SMIM23: variants seen among roughly 807,000 people sequenced by gnomAD.
SMIM23 encodes the protein small integral membrane protein 23, also known as CTB-78H18.1.
In SMIM23, 10 loss-of-function variants were observed where a neutral mutation model predicts 12.8. The ratio of observed to expected loss-of-function variants is 0.78; its 90% CI spans 0.48 to 1.32. SMIM23 has a LOEUF of 1.32. Ranked by LOEUF, SMIM23 falls within the 40% of genes most tolerant of loss-of-function variation. The pLI, the probability that SMIM23 is intolerant of heterozygous loss-of-function variation, is 0.00. For synonymous variants in SMIM23, 78 were observed against 80.1 expected, an observed-to-expected ratio of 0.97 and a Z score of 0.14; for missense variants, 184 against 198.2, an observed-to-expected ratio of 0.93 and a Z score of 0.43.
chr5:171,778,447 T>TCACACACACACA (rs4041455), upstream of SMIM23, among the ~76,000 whole-genome samples: 1 of 141,546 alleles, frequency 7.1e-6, no homozygotes, highest in African/African-American at 2.6e-5. Context: ...TGGGAAAATT[T>TCACACACACACA]CACACACACA....
At chr5:171,783,998 T>C (rs1755767955), upstream of SMIM23, among the ~76,000 whole-genome samples, 1 of 152,098 alleles carries the variant, frequency 6.6e-6, no homozygotes, top group Admixed American at 6.5e-5. Context: ...TCGCAGCACT[T>C]TGGGAGCCCG....
At chr5:171,780,822 C>T (rs553954411), upstream of SMIM23, among the ~76,000 whole-genome samples, 12 of 152,166 alleles carry the variant, frequency 7.9e-5, no homozygotes, top group East Asian at 2.3e-3. Context: ...CTTTCTTTCT[C>T]TGGTCTTGAA....
At chr5:171,787,051 C>T (rs1330886005) in intron 1 of SMIM23, among the ~76,000 whole-genome samples, 3 of 135,464 alleles carry the variant, frequency 2.2e-5, no homozygotes, top group Admixed American at 1.6e-4. Flanking sequence ...GACGGAGCCT[C>T]GCTCTGTCAC....
chr5:171,776,749 G>A, the SMIM23 span, among the ~76,000 whole-genome samples: 17 of 152,096 alleles, frequency 1.1e-4, no homozygotes, highest in Admixed American at 2.0e-4. Context: ...TCTTGGATTC[G>A]GGAGCAAGCG....
chr5:171,780,577 C>A (rs539513953), upstream of SMIM23, among the ~76,000 whole-genome samples: 5 of 152,098 alleles, frequency 3.3e-5, no homozygotes, highest in African/African-American at 9.7e-5. Context: ...TAATTCATTA[C>A]TTTTTGTGAC....
At chr5:171,781,476 G>A (rs78152102), upstream of SMIM23, among the ~76,000 whole-genome samples, 9,558 of 152,014 alleles carry the variant, frequency 0.063, 790 homozygotes, top group African/African-American at 0.18. Context: ...CACCACCTCC[G>A]CAAGCCTAAC....
At chr5:171,786,871 G>T (rs558384355) in intron 1 of SMIM23, among the ~76,000 whole-genome samples, 7 of 152,168 alleles carry the variant, frequency 4.6e-5, no homozygotes, top group Non-Finnish European at 1.0e-4. Context: ...CTGCATACCC[G>T]CATCCCCTCC....
At chr5:171,786,681 A>G (rs773229037) in intron 1 of SMIM23, among the ~76,000 whole-genome samples, 3 of 152,200 alleles carry the variant, frequency 2.0e-5, no homozygotes, top group Non-Finnish European at 2.9e-5. Flanking sequence ...TTGTTCACTC[A>G]TTAATTTACT....
At position 171,785,823 on chromosome 5, in the gene SMIM23, C is replaced by T; in HGVS notation, c.-49C>T. ...CCACAGGTGGGGGAGGGGAAGGGTGCCCTTCTGTCTGTTGAGTGTGGTCCA... is the reference window on the plus strand; with the variant it reads ...CCACAGGTGGGGGAGGGGAAGGGTGTCCTTCTGTCTGTTGAGTGTGGTCCA... On this transcript the variant is annotated 5_prime_UTR_variant, in exon 1 of 4. Transcript: ENST00000523047. The T allele has an allele frequency of 1.4e-6, 2 of 1,438,416 alleles. No individual in the cohort carries two copies. The highest frequency in any genetic ancestry group is 1.9e-6 in the Non-Finnish European group (2 of 1,057,882). 89.1% of individuals were successfully genotyped at this position (1,438,416 alleles called of 1,614,324 possible).
chr5:171,779,043 C>G (rs1294190954), upstream of SMIM23, among the ~76,000 whole-genome samples: 1 of 152,178 alleles, frequency 6.6e-6, no homozygotes, highest in East Asian at 1.9e-4. Flanking sequence ...CAGAGCAGGG[C>G]TGTTTCGAGG....
chr5:171,784,291 G>C (rs1388836882), upstream of SMIM23, among the ~76,000 whole-genome samples: 1 of 152,048 alleles, frequency 6.6e-6, no homozygotes, highest in Non-Finnish European at 1.5e-5. Flanking sequence ...GGATCACAAG[G>C]TCAGGAGATC....
the SMIM23 span, among the ~76,000 whole-genome samples, chr5:171,772,977 T>A: frequency 6.6e-6 from 1 of 152,148 alleles, no homozygotes. Context: ...ATACTTGAAA[T>A]GCCAGCAGCG....
chr5:171,784,662 C>T, upstream of SMIM23, among the ~76,000 whole-genome samples: 1 of 152,142 alleles, frequency 6.6e-6, no homozygotes, highest in Non-Finnish European at 1.5e-5. Context: ...TGCTATGGCC[C>T]AGCAACTGCA....
the SMIM23 span, chr5:171,773,978 G>T: frequency 5.2e-6 from 2 of 386,954 alleles, no homozygotes; most frequent in Non-Finnish European, 1.0e-5. Flanking sequence ...ATTTACATAC[G>T]CCATTTGTGC....
At chr5:171,789,653 C>T (rs1484027387) in intron 1 of SMIM23, among the ~76,000 whole-genome samples, 2 of 152,146 alleles carry the variant, frequency 1.3e-5, no homozygotes, top group Non-Finnish European at 2.9e-5. Context: ...ATTTCGAAAA[C>T]ATTGTCTTAA....
the SMIM23 span, chr5:171,774,031 G>C: frequency 5.5e-6 from 2 of 362,036 alleles, no homozygotes; most frequent in Non-Finnish European, 1.1e-5. Flanking sequence ...GTGTGGTTTG[G>C]TGGCTATGGG....
At chr5:171,786,085 TCC>T in intron 1 of SMIM23, 109 bp downstream of exon 1, 1 of 852,616 alleles carries the variant, frequency 1.2e-6, no homozygotes, top group Admixed American at 2.1e-5. Flanking sequence ...GACCCAACCG[TCC>T]CTGGATCCCA....
the SMIM23 span, chr5:171,773,693 G>A: frequency 3.2e-5 from 14 of 437,120 alleles, no homozygotes; most frequent in Non-Finnish European, 6.4e-5. Flanking sequence ...CCAGTAGCCA[G>A]CAAGAGCAGC....
At chr5:171,788,942 C>G (rs28621037) in intron 1 of SMIM23, among the ~76,000 whole-genome samples, 6,827 of 152,264 alleles carry the variant, frequency 0.045, 511 homozygotes, top group African/African-American at 0.15. Context: ...CAGGCTCAAG[C>G]GATGCTCCTG....
Sources: gnomAD v4.1 joint callset for allele counts (sites outside exome capture counted in the v4.1 genomes callset) on GRCh38, gnomAD v4.1.1 for gene constraint, MANE v1.5 for transcripts, NCBI Gene and HGNC (gene_info 2026-07-23, HGNC 2026-07-21) for gene names.